Variants in PITPNC1 observed in about 807,000 individuals in gnomAD.
PITPNC1 encodes cytoplasmic phosphatidylinositol transfer protein 1.
In PITPNC1, 18 loss-of-function variants were observed where a neutral mutation model predicts 44.7. That is an observed-to-expected ratio of 0.40 (90% confidence interval 0.28 to 0.60). PITPNC1 has a LOEUF of 0.60. Ranked by LOEUF, PITPNC1 falls within the 20% of genes least tolerant of loss-of-function variation. The pLI is 0.39. For missense variants in PITPNC1, 290 were observed against 418.4 expected, an observed-to-expected ratio of 0.69 and a Z score of 2.68; for synonymous variants, 141 against 149.6, an observed-to-expected ratio of 0.94 and a Z score of 0.42.
chr17:67,681,873 C>G (rs2042715534), intron 8 of PITPNC1, among the ~76,000 whole-genome samples: 1 of 151,754 alleles, frequency 6.6e-6, no homozygotes, highest in Non-Finnish European at 1.5e-5. Context: ...AACTTATGAC[C>G]CAGCCAATCC....
At chr17:67,476,932 T>G (rs1331876601) in intron 1 of PITPNC1, among the ~76,000 whole-genome samples, 4 of 152,052 alleles carry the variant, frequency 2.6e-5, no homozygotes, top group Admixed American at 6.6e-5. Context: ...AAATGCAGAG[T>G]CTCAGGCCCC....
intron 1 of PITPNC1, 40 bp downstream of exon 1, chr17:67,378,242 C>T (rs2037901288): frequency 1.4e-6 from 2 of 1,390,558 alleles, no homozygotes; most frequent in Non-Finnish European, 1.9e-6. Flanking sequence ...CGCTCCGGGA[C>T]CCCCGCCGCT....
chr17:67,658,044 C>T (rs989665319), intron 6 of PITPNC1, among the ~76,000 whole-genome samples: 2 of 152,214 alleles, frequency 1.3e-5, no homozygotes, highest in East Asian at 1.9e-4. Context: ...AGGGCAAGGT[C>T]GGGCACAGCC....
chr17:67,430,532 G>A (rs1363848009), intron 1 of PITPNC1, among the ~76,000 whole-genome samples: 1 of 151,962 alleles, frequency 6.6e-6, no homozygotes, highest in Non-Finnish European at 1.5e-5. Context: ...CCAGTGTGGT[G>A]GCTCATGCCT....
chr17:67,489,548 G>C (rs982884545), intron 1 of PITPNC1, among the ~76,000 whole-genome samples: 6 of 152,076 alleles, frequency 3.9e-5, no homozygotes, highest in African/African-American at 1.4e-4. Flanking sequence ...TTGATGTCCA[G>C]ACCCCGCCTC....
At chr17:67,380,078 C>CT (rs527469040) in intron 1 of PITPNC1, among the ~76,000 whole-genome samples, 5,060 of 139,608 alleles carry the variant, frequency 0.036, 264 homozygotes, top group African/African-American at 0.12. Context: ...CTTTTCTTTT[C>CT]TTTTTTTTTT....
At chr17:67,692,107 A>G (rs1050861423) in intron 8 of PITPNC1, among the ~76,000 whole-genome samples, 2 of 152,130 alleles carry the variant, frequency 1.3e-5, no homozygotes, top group South Asian at 4.1e-4. Context: ...AGTTGACAAT[A>G]ATGACAATAA....
chr17:67,389,918 A>G (rs1279992423), intron 1 of PITPNC1, among the ~76,000 whole-genome samples: 1 of 152,000 alleles, frequency 6.6e-6, no homozygotes, highest in East Asian at 1.9e-4. Context: ...TGACCTCGTG[A>G]TCCACCCACC....
rs77743844 is a variant in PITPNC1, at chr17:67,432,030, C to T, written c.48+53828C>T. 7.3e-3 allele frequency among the ~76,000 whole-genome samples: 1,113 copies of T among 152,276 alleles called. 12 individuals are homozygous for T. The highest frequency in any genetic ancestry group is 0.025 in the African/African-American group (1,024 of 41,552). Reference sequence around the variant, plus strand: ...TCAGCTACTTGACACTCTTGGGAAACGAGCTGGGTGTTCCTGATAAGAAAG... The same window carrying T: ...TCAGCTACTTGACACTCTTGGGAAATGAGCTGGGTGTTCCTGATAAGAAAG... On this transcript the variant is annotated intron_variant, in intron 1 of 8. Transcript: ENST00000581322.
At position 67,378,131 on chromosome 17, in the gene PITPNC1, C is replaced by G. The variant is rs779023338; in HGVS notation, c.-24C>G. The G allele has an allele frequency of 1.3e-6, 2 of 1,523,750 alleles. No individual in the cohort carries two copies. Among genetic ancestry groups the G allele is most frequent in the Admixed American group, 4.1e-5 (2 of 48,880 alleles). 94.4% of individuals were successfully genotyped at this position (1,523,750 alleles called of 1,614,324 possible). On this transcript the variant is annotated 5_prime_UTR_variant, in exon 1 of 9. Transcript: ENST00000581322. ...TGGGGGCGCCCCCCGCTTCCCGCCC[C>G]GGGGGTCCGCGGCCGGCAGGACCAT...
chr17:67,444,730 C>T (rs1338468668), intron 1 of PITPNC1, among the ~76,000 whole-genome samples: 1 of 151,990 alleles, frequency 6.6e-6, no homozygotes, highest in African/African-American at 2.4e-5. Context: ...AACCCTGTCT[C>T]TACTAAAAAT....
In PITPNC1 at chr17:67,482,394, A is replaced by G. The variant is rs143194082; in HGVS notation, c.49-50408A>G. On this transcript the variant is annotated intron_variant, in intron 1 of 8. Coordinates refer to ENST00000581322, the MANE Select transcript of PITPNC1 (RefSeq NM_012417.4). ...GGATAGAAATTTTTCTGTCTTTAAT[A>G]GATTAATGGTAATCATATAACACAT... Among the ~76,000 whole-genome samples the G allele has an allele frequency of 3.6e-3, 544 of 152,288 alleles. 6 individuals are homozygous for G. Among genetic ancestry groups the G allele is most frequent in the South Asian group, 0.028 (137 of 4,830 alleles).
chr17:67,527,818 A>C (rs1471246167), intron 1 of PITPNC1, among the ~76,000 whole-genome samples: 1 of 152,128 alleles, frequency 6.6e-6, no homozygotes, highest in East Asian at 1.9e-4. Context: ...TAACATAATG[A>C]GACCATGTCT....
chr17:67,387,827 C>T (rs1354297258), intron 1 of PITPNC1, among the ~76,000 whole-genome samples: 1 of 152,176 alleles, frequency 6.6e-6, no homozygotes, highest in Non-Finnish European at 1.5e-5. Context: ...ATCTTTTCAA[C>T]ATGTAATCCA....
chr17:67,534,018 C>T (rs1459919480), intron 2 of PITPNC1, among the ~76,000 whole-genome samples: 1 of 151,942 alleles, frequency 6.6e-6, no homozygotes, highest in Non-Finnish European at 1.5e-5. Context: ...CTTCAGCCTC[C>T]CGAGTAGCTG....
intron 6 of PITPNC1, among the ~76,000 whole-genome samples, chr17:67,649,477 A>G (rs2042185985): frequency 6.6e-6 from 1 of 152,196 alleles, no homozygotes; most frequent in Non-Finnish European, 1.5e-5. Context: ...CTGTGTCTCC[A>G]ACCAGTTCAA....
At chr17:67,514,512 T>G (rs12953132) in intron 1 of PITPNC1, among the ~76,000 whole-genome samples, 18,567 of 151,314 alleles carry the variant, frequency 0.12, 1,600 homozygotes, top group African/African-American at 0.25. Flanking sequence ...TCACGGTTCT[T>G]GATAACTGAT....
chr17:67,384,943 AATAAG>A (rs1286734578), intron 1 of PITPNC1, among the ~76,000 whole-genome samples: 1 of 152,236 alleles, frequency 6.6e-6, no homozygotes, highest in East Asian at 1.9e-4. Context: ...TTTTATTCTG[AATAAG>A]ATAATTCTAT....
At chr17:67,381,879 C>T (rs2037965538) in intron 1 of PITPNC1, among the ~76,000 whole-genome samples, 1 of 152,186 alleles carries the variant, frequency 6.6e-6, no homozygotes. Context: ...TGTGCCTGGC[C>T]TTATCCCTTC....
Sources: gnomAD v4.1 joint callset for allele counts (sites outside exome capture counted in the v4.1 genomes callset) on GRCh38, gnomAD v4.1.1 for gene constraint, MANE v1.5 for transcripts, NCBI Gene and HGNC (gene_info 2026-07-23, HGNC 2026-07-21) for gene names.